Variants in CAPN7 observed in about 807,000 individuals in gnomAD.
The protein encoded by CAPN7 is calpain 7, also known as calpain-7.
A neutral mutation model predicts 115.2 loss-of-function variants in CAPN7; 72 were observed. The observed-to-expected ratio is 0.63, with a 90% CI of 0.52 to 0.76. The LOEUF is 0.76. Ranked by LOEUF, CAPN7 falls within the 30% of genes least tolerant of loss-of-function variation. The pLI, the probability that CAPN7 is intolerant of heterozygous loss-of-function variation, is 0.00. For missense variants in CAPN7, 905 were observed against 971.5 expected, an observed-to-expected ratio of 0.93 and a Z score of 0.91; for synonymous variants, 344 against 322.3, an observed-to-expected ratio of 1.07 and a Z score of -0.72.
intron 9 of CAPN7, among the ~76,000 whole-genome samples, chr3:15,231,002 A>G (rs138488250): frequency 1.3e-5 from 2 of 152,316 alleles, no homozygotes; most frequent in African/African-American, 4.8e-5. Flanking sequence ...ACTCTGTTAT[A>G]AGGGCCTTGC....
intron 12 of CAPN7, among the ~76,000 whole-genome samples, chr3:15,235,975 C>T (rs1041179120): frequency 6.6e-6 from 1 of 152,010 alleles, no homozygotes; most frequent in African/African-American, 2.4e-5. Flanking sequence ...TCAAAACCAG[C>T]CTGGGCAACA....
intron 1 of CAPN7, chr3:15,210,778 C>T (rs898510336): frequency 5.4e-6 from 7 of 1,289,032 alleles, no homozygotes; most frequent in Non-Finnish European, 6.1e-6. Flanking sequence ...AGGCTGAAAA[C>T]TGCACTTTTC....
chr3:15,211,048 A>G, intron 1 of CAPN7: 2 of 551,386 alleles, frequency 3.6e-6, no homozygotes, highest in Non-Finnish European at 4.7e-6. Context: ...CGTGGAAGTT[A>G]TGGAATAACT....
intron 1 of CAPN7, among the ~76,000 whole-genome samples, chr3:15,209,227 C>T (rs1381377078): frequency 6.6e-6 from 1 of 152,162 alleles, no homozygotes; most frequent in Non-Finnish European, 1.5e-5. Context: ...TCAGGCTGGT[C>T]TCAAACTCCC....
At chr3:15,244,245 T>C (rs1695526487) in intron 16 of CAPN7, among the ~76,000 whole-genome samples, 1 of 152,204 alleles carries the variant, frequency 6.6e-6, no homozygotes, top group Admixed American at 6.5e-5. Context: ...TGCTAGTCAA[T>C]ATCCCTGCGT....
intron 4 of CAPN7, among the ~76,000 whole-genome samples, chr3:15,220,297 A>G (rs913572043): frequency 6.6e-6 from 1 of 152,194 alleles, no homozygotes; most frequent in Non-Finnish European, 1.5e-5. Flanking sequence ...TCTACTTAGA[A>G]TGCTTCCTCA....
intron 17 of CAPN7, 126 bp from the exon 18 acceptor site, chr3:15,246,605 GA>G: frequency 1.5e-6 from 1 of 679,904 alleles, no homozygotes. Flanking sequence ...AACCTGACCT[GA>G]TACTAGGCTG....
chr3:15,206,358 C>T lies in CAPN7; in HGVS notation c.-138C>T. 1.6e-6 allele frequency: 1 copy of T among 632,134 alleles called. No homozygotes were observed. Among genetic ancestry groups the T allele is most frequent in the Admixed American group, 2.7e-5 (1 of 36,502 alleles). 39.2% of individuals were successfully genotyped at this position (632,134 alleles called of 1,614,324 possible). ...GCCCGGCAACGGGAAGGCGAGCTCTCCTCCACCGTCCAAAGTAAACTTTGC... is the reference window on the plus strand; with the variant it reads ...GCCCGGCAACGGGAAGGCGAGCTCTTCTCCACCGTCCAAAGTAAACTTTGC... On this transcript the variant is annotated 5_prime_UTR_variant, in exon 1 of 21. Transcript: ENST00000253693.
intron 1 of CAPN7, among the ~76,000 whole-genome samples, chr3:15,209,653 CA>C (rs768511469): frequency 1.3e-5 from 2 of 152,132 alleles, no homozygotes; most frequent in Non-Finnish European, 2.9e-5. Flanking sequence ...ACTTTTTTGA[CA>C]ATTTCACAAG....
At chr3:15,236,212 G>A (rs573799489) in intron 12 of CAPN7, among the ~76,000 whole-genome samples, 15 of 152,196 alleles carry the variant, frequency 9.9e-5, no homozygotes, top group South Asian at 2.1e-4. Context: ...GAAGATAGCT[G>A]GGCATAAGAT....
At chr3:15,237,789 G>A (rs573100845) in intron 12 of CAPN7, among the ~76,000 whole-genome samples, 73 of 152,028 alleles carry the variant, frequency 4.8e-4, no homozygotes, top group African/African-American at 1.7e-3. Flanking sequence ...GAGCAACATA[G>A]CAAGACCCCA....
chr3:15,230,322 C>T (rs1694607122), intron 8 of CAPN7, 120 bp from the exon 9 acceptor site: 2 of 530,572 alleles, frequency 3.8e-6, no homozygotes, highest in African/African-American at 1.9e-5. Context: ...GGAAAATATT[C>T]TCCTGTTTGT....
intron 6 of CAPN7, among the ~76,000 whole-genome samples, chr3:15,226,321 G>A (rs997886933): frequency 1.3e-5 from 2 of 152,050 alleles, no homozygotes; most frequent in African/African-American, 4.8e-5. Flanking sequence ...TGATCCGCCC[G>A]CCTCAGCCTC....
At chr3:15,210,596 C>CTTTTTTTTTTTT (rs371169868) in intron 1 of CAPN7, among the ~76,000 whole-genome samples, 8,285 of 103,362 alleles carry the variant, frequency 0.08, 935 homozygotes, top group African/African-American at 0.19. Flanking sequence ...TGCTTCCTTC[C>CTTTTTTTTTTTT]TTTTTTTTTT....
At chr3:15,231,367 CTG>C (rs1267532333) in intron 9 of CAPN7, among the ~76,000 whole-genome samples, 1 of 152,134 alleles carries the variant, frequency 6.6e-6, no homozygotes, top group Non-Finnish European at 1.5e-5. Context: ...AGAATACTCT[CTG>C]AGAGCCATTT....
rs1207055309 is a variant in CAPN7 at position 15,251,241 on chromosome 3, A to G, written c.2423A>G (p.Lys808Arg). ...FLDFNSIIPI[K>R]ITQLQ ...GACTTTAATAGTATTATCCCCATCAAGATCACACAACTTCAGTGATGGAGA... is the reference window on the plus strand; with the variant it reads ...GACTTTAATAGTATTATCCCCATCAGGATCACACAACTTCAGTGATGGAGA... Residue 808 changes from lysine to arginine, a missense_variant, in exon 21 of 21, where the codon AAG (lysine) becomes AGG (arginine). Physicochemically the swap from Lys to Arg is conservative, Grantham distance 26. Transcript: ENST00000253693. The G allele has an allele frequency of 6.3e-7, 1 of 1,593,930 alleles. No individual in the cohort carries two copies. The highest frequency in any genetic ancestry group is 1.4e-5 in the African/African-American group (1 of 73,482).
chr3:15,234,453 G>A lies in CAPN7; in HGVS notation c.1286+480G>A, dbSNP rs377377057. On this transcript the variant is annotated intron_variant, in intron 11 of 20. Transcript: ENST00000253693. ...TCACATTATGTACTTCCTATAGCCAGTCCTCAGTTATCTTCCCTTAATAGT... is the reference window on the plus strand; with the variant it reads ...TCACATTATGTACTTCCTATAGCCAATCCTCAGTTATCTTCCCTTAATAGT... 1.2e-4 allele frequency among the ~76,000 whole-genome samples: 19 copies of A among 152,276 alleles called. No homozygotes were observed. The East Asian group carries it at 2.1e-3, about 17-fold the overall frequency.
intron 1 of CAPN7, chr3:15,210,662 A>C: frequency 2.5e-6 from 1 of 396,868 alleles, no homozygotes; most frequent in South Asian, 2.1e-5. Flanking sequence ...TGGCCCGATC[A>C]CAGCTCACTG....
At chr3:15,236,516 TTTC>T (rs1411494540) in intron 12 of CAPN7, among the ~76,000 whole-genome samples, 1 of 152,212 alleles carries the variant, frequency 6.6e-6, no homozygotes, top group Non-Finnish European at 1.5e-5. Flanking sequence ...TTAGACTGGT[TTTC>T]TTATGTGTGG....
Sources: allele counts gnomAD v4.1 joint callset (sites outside exome capture counted in the v4.1 genomes callset), GRCh38; gene constraint gnomAD v4.1.1; transcripts MANE v1.5; gene names NCBI Gene and HGNC (gene_info 2026-07-23, HGNC 2026-07-21).